CPNE5: variants seen among roughly 807,000 people sequenced by gnomAD.
The protein encoded by CPNE5 is copine 5.
CPNE5 carries 42 observed loss-of-function variants against 81.1 expected under a neutral mutation model. The ratio of observed to expected loss-of-function variants is 0.52; its 90% confidence interval spans 0.40 to 0.67. The LOEUF is 0.67. CPNE5 is among the 30% of genes least tolerant of loss of function. The pLI is 0.00. For missense variants in CPNE5, 612 were observed against 815.5 expected (o/e 0.75, Z 3.04); for synonymous variants, 313 against 321.5 (o/e 0.97, Z 0.28).
At chr6:36,793,320 G>A (rs1326711770) in intron 7 of CPNE5, among the ~76,000 whole-genome samples, 1 of 152,096 alleles carries the variant, frequency 6.6e-6, no homozygotes, top group East Asian at 1.9e-4. Context: ...GCCACATCTG[G>A]GGCATCCCCT....
In CPNE5 at chr6:36,742,836, C is replaced by T. The variant is rs535601927; in HGVS notation, c.1564-350G>A. On this transcript the variant is annotated intron_variant, in intron 20 of 20. Coordinates refer to ENST00000244751, the MANE Select transcript of CPNE5 (RefSeq NM_020939.2). ...ATCCCTGACTTCTGGGGCACGTGCC[C>T]TCCTGGGTTTCCCCCGACCTGTCCA... 2.6e-5 allele frequency: 26 copies of T among 985,432 alleles called. No individual in the cohort carries two copies. The African/African-American group carries it at 4.5e-4, about 17-fold the overall frequency. 61.0% of individuals were successfully genotyped at this position (985,432 alleles called of 1,614,324 possible).
At chr6:36,827,630 C>T in intron 1 of CPNE5, 8 of 985,404 alleles carry the variant, frequency 8.1e-6, no homozygotes, top group Non-Finnish European at 9.6e-6. Context: ...GAAGTTTCTT[C>T]GAGGTAAAGC....
At chr6:36,760,081 G>T (rs1765872642) in intron 12 of CPNE5, among the ~76,000 whole-genome samples, 1 of 151,750 alleles carries the variant, frequency 6.6e-6, no homozygotes, top group African/African-American at 2.4e-5. Flanking sequence ...CCAGGGTGGT[G>T]GTGTGTGCCT....
At chr6:36,760,635 G>A (rs1765932129) in intron 12 of CPNE5, among the ~76,000 whole-genome samples, 3 of 152,174 alleles carry the variant, frequency 2.0e-5, no homozygotes, top group Non-Finnish European at 4.4e-5. Flanking sequence ...GGATGGGGAA[G>A]TTAAGTATGA....
intron 12 of CPNE5, among the ~76,000 whole-genome samples, chr6:36,760,787 G>A (rs147892139): frequency 6.6e-6 from 1 of 152,274 alleles, no homozygotes; most frequent in African/African-American, 2.4e-5. Context: ...CAGACAGCTG[G>A]ACATAGGAGC....
chr6:36,765,228 A>T, intron 11 of CPNE5, 107 bp downstream of exon 11: 11 of 1,220,060 alleles, frequency 9.0e-6, no homozygotes, highest in Non-Finnish European at 1.2e-5. Flanking sequence ...TCACCCCCAG[A>T]GCCACTGCGG....
intron 1 of CPNE5, among the ~76,000 whole-genome samples, chr6:36,836,978 T>C (rs1179227755): frequency 1.3e-5 from 2 of 152,202 alleles, no homozygotes; most frequent in African/African-American, 4.8e-5. Context: ...TCATGGATCA[T>C]GTCCCCCAAA....
chr6:36,747,719 T>C (rs1405794888), intron 15 of CPNE5, among the ~76,000 whole-genome samples: 1 of 152,248 alleles, frequency 6.6e-6, no homozygotes, highest in East Asian at 1.9e-4. Context: ...GCACTGTTAT[T>C]GCTCCTAGTG....
At chr6:36,811,103 C>G (rs1374413304) in intron 3 of CPNE5, among the ~76,000 whole-genome samples, 1 of 152,210 alleles carries the variant, frequency 6.6e-6, no homozygotes, top group Non-Finnish European at 1.5e-5. Flanking sequence ...CGACCCTTTA[C>G]CAATGAGCCT....
intron 7 of CPNE5, among the ~76,000 whole-genome samples, chr6:36,793,050 G>A (rs974521299): frequency 1.3e-5 from 2 of 152,156 alleles, no homozygotes; most frequent in East Asian, 3.8e-4. Context: ...CCCGCAGTGA[G>A]CAGCATCCCC....
intron 1 of CPNE5, among the ~76,000 whole-genome samples, chr6:36,834,540 C>T (rs185738297): frequency 3.5e-4 from 53 of 150,904 alleles, no homozygotes; most frequent in African/African-American, 1.3e-3. Context: ...CCTGTAATCT[C>T]AGCTACTCAA....
intron 20 of CPNE5, chr6:36,743,263 T>C: frequency 1.0e-6 from 1 of 984,402 alleles, no homozygotes; most frequent in Non-Finnish European, 1.2e-6. Flanking sequence ...TTTCTGCTCA[T>C]TATATTTGCA....
chr6:36,785,663 G>A (rs1309032550), intron 8 of CPNE5, among the ~76,000 whole-genome samples: 1 of 152,126 alleles, frequency 6.6e-6, no homozygotes, highest in African/African-American at 2.4e-5. Flanking sequence ...GAGGCCAGGA[G>A]TTTGAGACCA....
At chr6:36,784,501 T>C (rs751565144) in intron 8 of CPNE5, among the ~76,000 whole-genome samples, 2 of 152,210 alleles carry the variant, frequency 1.3e-5, no homozygotes, top group Non-Finnish European at 2.9e-5. Context: ...CCTTGATATA[T>C]GTGTGAACCC....
chr6:36,822,689 G>T (rs1229808849), intron 2 of CPNE5, among the ~76,000 whole-genome samples: 2 of 152,098 alleles, frequency 1.3e-5, no homozygotes, highest in Non-Finnish European at 2.9e-5. Flanking sequence ...ACCCATCCAG[G>T]TCACACGCTT....
At chr6:36,742,625 C>T in intron 20 of CPNE5, 139 bp from the exon 21 acceptor site, 1 of 1,452,934 alleles carries the variant, frequency 6.9e-7, no homozygotes, top group South Asian at 1.4e-5. Context: ...TCTGAATTAC[C>T]TGAGGGACTG....
intron 8 of CPNE5, among the ~76,000 whole-genome samples, chr6:36,788,645 G>A (rs6912465): frequency 0.035 from 5,160 of 147,048 alleles, 300 homozygotes; most frequent in African/African-American, 0.11. Flanking sequence ...AGTAACAATC[G>A]TTTTACTGCT....
At chr6:36,827,861 A>C (rs1466710539) in intron 1 of CPNE5, 2 of 542,316 alleles carry the variant, frequency 3.7e-6, no homozygotes, top group Non-Finnish European at 4.5e-6. Flanking sequence ...TTTTTTTAGC[A>C]GGAAAAACGT....
At chr6:36,758,798 G>T (rs1239720124) in intron 12 of CPNE5, among the ~76,000 whole-genome samples, 2 of 152,178 alleles carry the variant, frequency 1.3e-5, no homozygotes, top group African/African-American at 4.8e-5. Flanking sequence ...AGTTCACGTG[G>T]GAGGTCTGGC....
Sources: allele counts gnomAD v4.1 joint callset (sites outside exome capture counted in the v4.1 genomes callset), GRCh38; gene constraint gnomAD v4.1.1; transcripts MANE v1.5; gene names NCBI Gene and HGNC (gene_info 2026-07-23, HGNC 2026-07-21).